The following CPS1 variants were observed in gnomAD, a reference collection of about 807,000 sequenced individuals.
CPS1 encodes the protein carbamoyl-phosphate synthase 1, also known as carbamoyl-phosphate synthase [ammonia], mitochondrial.
CPS1 carries 109 observed loss-of-function variants against 174.6 expected under a neutral mutation model. The ratio of observed to expected loss-of-function variants is 0.62; its 90% confidence interval spans 0.53 to 0.73. The LOEUF (loss-of-function observed/expected upper bound fraction) is 0.73, where lower values mean the gene tolerates loss of function less well. Ranked by LOEUF, CPS1 falls within the 30% of genes least tolerant of loss-of-function variation. The pLI, the probability that CPS1 is intolerant of heterozygous loss-of-function variation, is 0.00. For synonymous variants in CPS1, 637 were observed against 632.0 expected (o/e 1.01, Z -0.12); for missense variants, 1,689 against 1,821.9 (o/e 0.93, Z 1.33).
At chr2:210,616,233 G>A (rs1699299273) in intron 20 of CPS1, among the ~76,000 whole-genome samples, 190 bp from the exon 21 acceptor site, 1 of 151,920 alleles carries the variant, frequency 6.6e-6, no homozygotes, top group South Asian at 2.1e-4. Flanking sequence ...GCCATTTGTG[G>A]ATATAGTTGG....
intron 1 of CPS1, among the ~76,000 whole-genome samples, chr2:210,503,993 T>C (rs1158452775): frequency 6.6e-6 from 1 of 152,206 alleles, no homozygotes; most frequent in Non-Finnish European, 1.5e-5. Context: ...CTCTTTCCCC[T>C]GGGCTGTCAG....
At chr2:210,667,712 A>G (rs1295569968) in intron 33 of CPS1, among the ~76,000 whole-genome samples, 1 of 152,204 alleles carries the variant, frequency 6.6e-6, no homozygotes, top group African/African-American at 2.4e-5. Flanking sequence ...CTCCAAACCA[A>G]TTCAGCAGTT....
In CPS1 at chr2:210,678,758, G is replaced by C. The variant is rs1239029656; in HGVS notation, c.*773G>C. The C allele has an allele frequency of 6.6e-6, 1 of 152,172 alleles. No homozygotes were observed. The highest frequency in any genetic ancestry group is 1.5e-5 in the Non-Finnish European group (1 of 68,112). 9.4% of individuals were successfully genotyped at this position (152,172 alleles called of 1,614,324 possible). A position where few individuals can be genotyped will look rare whatever the true frequency, so the allele number is the denominator to read the frequency against. On this transcript the variant is annotated 3_prime_UTR_variant, in exon 38 of 38. Coordinates refer to ENST00000233072, the MANE Select transcript of CPS1 (RefSeq NM_001875.5). ...TACTGGTTTGCAGTTTTGTTTTCTGGACTATATCAGCAGATGGTAGACAGT... is the reference window on the plus strand; with the variant it reads ...TACTGGTTTGCAGTTTTGTTTTCTGCACTATATCAGCAGATGGTAGACAGT...
rs1223659715 is a variant in CPS1, at chr2:210,534,180, C to T, written c.4-22539C>T. Among the ~76,000 whole-genome samples, 8 of 152,148 alleles carry T rather than the reference C, an allele frequency of 5.3e-5. No homozygotes were observed. The East Asian group carries it at 7.7e-4, about 15-fold the overall frequency. On this transcript the variant is annotated intron_variant, in intron 1 of 38. Coordinates refer to the CPS1 transcript ENST00000430249. ...CCCTGTGGGGAAATAAGCAGTGTTT[C>T]GATGGCAAAGAGACTGCTCGCGAGG...
At chr2:210,556,504 C>G (rs1696917306), upstream of CPS1, 6 of 1,297,070 alleles carry the variant, frequency 4.6e-6, no homozygotes, top group East Asian at 1.6e-4. Context: ...TGTTACATGC[C>G]CATGGAACAT....
intron 15 of CPS1, among the ~76,000 whole-genome samples, chr2:210,601,084 T>G (rs1443457389): frequency 3.3e-5 from 5 of 151,930 alleles, no homozygotes; most frequent in Non-Finnish European, 4.4e-5. Context: ...TCCCTGCAAA[T>G]GAGAAATTTG....
chr2:210,508,902 A>C (rs932717681), intron 1 of CPS1, among the ~76,000 whole-genome samples: 7 of 152,292 alleles, frequency 4.6e-5, no homozygotes, highest in African/African-American at 1.4e-4. Context: ...CTTACCAACC[A>C]AAAAAAGTCC....
chr2:210,648,377 G>A, intron 26 of CPS1, 96 bp from the exon 27 acceptor site: 1 of 1,038,462 alleles, frequency 9.6e-7, no homozygotes, highest in Non-Finnish European at 1.5e-6. Context: ...AGAGAATAAA[G>A]AAGCTGGGCT....
chr2:210,639,444 C>CTAATAAAAA (rs1700141702), intron 23 of CPS1, among the ~76,000 whole-genome samples: 2 of 150,906 alleles, frequency 1.3e-5, no homozygotes, highest in Non-Finnish European at 3.0e-5. Context: ...AACCCCGTCT[C>CTAATAAAAA]TACTAAAAAT....
chr2:210,618,710 A>G (rs1699401808), intron 21 of CPS1: 2 of 152,074 alleles, frequency 1.3e-5, no homozygotes, highest in African/African-American at 4.8e-5. Context: ...AATGTTAAGT[A>G]TGTAAGGCCT....
intron 1 of CPS1, among the ~76,000 whole-genome samples, chr2:210,489,922 C>T (rs1035827327): frequency 4.0e-5 from 6 of 150,300 alleles, no homozygotes; most frequent in Admixed American, 6.6e-5. Flanking sequence ...GGCGTGAACC[C>T]GGGAGGCGGA....
intron 1 of CPS1, among the ~76,000 whole-genome samples, chr2:210,528,435 G>A (rs978550030): frequency 2.0e-5 from 3 of 151,880 alleles, no homozygotes; most frequent in Admixed American, 6.6e-5. Flanking sequence ...ATTATGTATT[G>A]ATTTAATTCA....
chr2:210,560,955 T>C (rs1392698495), intron 1 of CPS1, among the ~76,000 whole-genome samples: 1 of 152,186 alleles, frequency 6.6e-6, no homozygotes, highest in African/African-American at 2.4e-5. Context: ...ATATTAATTG[T>C]GTTCAGTCCC....
In CPS1 at chr2:210,663,166, T is replaced by G. The variant is rs1700980540; in HGVS notation, c.3971T>G (p.Ile1324Ser). ...SWPRLRDADP[I>S]LRCEMASTGE... ...CCCCGGTTGAGGGATGCTGACCCCA[T>G]TCTGAGATGTGAGATGGCTTCCACT... Residue 1324 changes from isoleucine to serine, a missense_variant, in exon 33 of 38, where the codon ATT (isoleucine) becomes AGT (serine). By Grantham distance (142) the Ile-to-Ser change is moderately radical. Coordinates refer to ENST00000233072, the MANE Select transcript of CPS1 (RefSeq NM_001875.5). 1 of 1,613,882 alleles carries G rather than the reference T, an allele frequency of 6.2e-7. No individual in the cohort carries two copies. Among genetic ancestry groups the G allele is most frequent in the South Asian group, 1.1e-5 (1 of 91,076 alleles).
chr2:210,646,264 A>G (rs1330422542), intron 25 of CPS1, among the ~76,000 whole-genome samples: 12 of 152,198 alleles, frequency 7.9e-5, no homozygotes, highest in Non-Finnish European at 1.5e-5. Context: ...CCAACATAAT[A>G]AGGAAATAAA....
At chr2:210,633,231 A>C (rs1162395594) in intron 21 of CPS1, among the ~76,000 whole-genome samples, 2 of 152,018 alleles carry the variant, frequency 1.3e-5, no homozygotes, top group Non-Finnish European at 2.9e-5. Flanking sequence ...GCAGGGGAGC[A>C]GTAACAGTTG....
At chr2:210,620,586 C>G (rs532551219) in intron 21 of CPS1, among the ~76,000 whole-genome samples, 1 of 151,970 alleles carries the variant, frequency 6.6e-6, no homozygotes, top group South Asian at 2.1e-4. Context: ...AGGGAGGCCT[C>G]AGAAATCTTA....
At chr2:210,480,670 A>G (rs1694542834) in intron 1 of CPS1, among the ~76,000 whole-genome samples, 2 of 152,144 alleles carry the variant, frequency 1.3e-5, no homozygotes, top group Admixed American at 1.3e-4. Flanking sequence ...ATACGCACAC[A>G]GACAGACACA....
intron 23 of CPS1, among the ~76,000 whole-genome samples, 170 bp downstream of exon 23, chr2:210,639,385 G>A (rs1278201827): frequency 7.9e-5 from 12 of 151,736 alleles, no homozygotes; most frequent in Non-Finnish European, 4.4e-5. Context: ...GGCCGAGGCG[G>A]GTGGATCATG....
Sources: gnomAD v4.1 joint callset for allele counts (sites outside exome capture counted in the v4.1 genomes callset) on GRCh38, gnomAD v4.1.1 for gene constraint, MANE v1.5 for transcripts, NCBI Gene and HGNC (gene_info 2026-07-23, HGNC 2026-07-21) for gene names.